SCMH1: variants seen among roughly 807,000 people sequenced by gnomAD.
The protein encoded by SCMH1 is Scm polycomb group protein homolog 1, also known as polycomb protein SCMH1.
Under a neutral mutation model 70.8 loss-of-function variants are expected in SCMH1, and 37 were observed. The ratio of observed to expected loss-of-function variants is 0.52; its 90% CI spans 0.40 to 0.69. SCMH1 has a LOEUF of 0.69. Among genes scored for constraint, SCMH1 ranks in the 30% least tolerant of loss-of-function variants. SCMH1 has a pLI of 0.00. For missense variants in SCMH1, 607 were observed against 827.3 expected, an observed-to-expected ratio of 0.73 and a Z score of 3.27; for synonymous variants, 292 against 307.4, an observed-to-expected ratio of 0.95 and a Z score of 0.52.
intron 5 of SCMH1, among the ~76,000 whole-genome samples, chr1:41,146,574 T>C (rs1644594674): frequency 6.6e-6 from 1 of 152,098 alleles, no homozygotes; most frequent in African/African-American, 2.4e-5. Context: ...CTTTTCCATG[T>C]TTAGATATGT....
Position 41,083,920 on chromosome 1 carries a change from C to T in SCMH1, c.746-8469G>A, listed in dbSNP as rs969072233. ...AATGGTGCTGGGAAAACTGGCTGGC[C>T]GTATGTAGAAAGCTGAAACTGGATC... On this transcript the variant is annotated intron_variant, in intron 8 of 14. Coordinates refer to ENST00000337495, the Ensembl canonical transcript of SCMH1. Among the ~76,000 whole-genome samples the T allele has an allele frequency of 9.2e-5, 14 of 152,060 alleles. No individual in the cohort carries two copies. The East Asian group carries it at 1.2e-3, about 13-fold the overall frequency.
Position 41,065,516 on chromosome 1 carries a change from C to T in SCMH1, c.1105+5079G>A, listed in dbSNP as rs192219418. Among the ~76,000 whole-genome samples the T allele has an allele frequency of 7.9e-5, 12 of 152,300 alleles. No homozygotes were observed. The East Asian group carries it at 2.3e-3, about 29-fold the overall frequency. On this transcript the variant is annotated intron_variant, in intron 10 of 14. Transcript: ENST00000337495. ...TGAATCTAAACTTTATATGAAGAGG[C>T]AAAAGACCCAGAACGAAGCCAGGAG...
intron 10 of SCMH1, among the ~76,000 whole-genome samples, chr1:41,051,378 T>A (rs1255752651): frequency 6.6e-6 from 1 of 152,234 alleles, no homozygotes; most frequent in Non-Finnish European, 1.5e-5. Context: ...TTAGTATACT[T>A]CTTATCATTA....
Position 41,208,069 on chromosome 1 carries a change from A to G in SCMH1, c.-117-21819T>C, listed in dbSNP as rs1573068721. Among the ~76,000 whole-genome samples, 3 of 113,924 alleles carry G rather than the reference A, an allele frequency of 2.6e-5. No individual in the cohort carries two copies. In the East Asian group the frequency reaches 7.0e-4, roughly 27 times the overall value. The allele number at this position is 113,924 out of a possible 152,430, so 74.7% of individuals were successfully genotyped here. A position where few individuals can be genotyped will look rare whatever the true frequency, so the allele number is the denominator to read the frequency against. On this transcript the variant is annotated intron_variant, in intron 1 of 14. Transcript: ENST00000337495. Reference sequence around the variant, plus strand: ...AGACTGGATTAAGAAAATGTGGCACATATACACCATGGAATACTATGCAGC... The same window carrying G: ...AGACTGGATTAAGAAAATGTGGCACGTATACACCATGGAATACTATGCAGC...
In SCMH1 at chr1:41,037,675, G is replaced by A. The variant is rs114895562; in HGVS notation, c.1499-134C>T. ...AGGGACTCAGGAGGCCTGTGTACCA[G>A]TCATGGTTGTGGCTGTCATGAGGTG... On this transcript the variant is annotated intron_variant, in intron 12 of 14. Coordinates refer to ENST00000337495, the Ensembl canonical transcript of SCMH1. The A allele has an allele frequency of 2.6e-4, 189 of 714,542 alleles. 2 individuals carry two copies. The African/African-American group carries it at 3.2e-3, about 12-fold the overall frequency. 44.3% of individuals were successfully genotyped at this position (714,542 alleles called of 1,614,324 possible).
chr1:41,152,708 G>A, intron 4 of SCMH1: 1 of 1,613,778 alleles, frequency 6.2e-7, no homozygotes, highest in African/African-American at 1.3e-5. Context: ...GAGCAGCACA[G>A]AGCCCCTTTG....
intron 8 of SCMH1, among the ~76,000 whole-genome samples, chr1:41,102,536 C>A (rs1219408086): frequency 5.3e-5 from 8 of 152,200 alleles, no homozygotes; most frequent in Non-Finnish European, 1.0e-4. Context: ...ATTCCTACAA[C>A]ATGGATAGAG....
At chr1:41,198,288 A>G (rs1260542964) in intron 1 of SCMH1, among the ~76,000 whole-genome samples, 2 of 152,188 alleles carry the variant, frequency 1.3e-5, no homozygotes. Flanking sequence ...GGGGCTTGCT[A>G]GCATCTCCAT....
At chr1:41,084,904 A>T (rs112700804) in intron 8 of SCMH1, among the ~76,000 whole-genome samples, 3 of 148,202 alleles carry the variant, frequency 2.0e-5, no homozygotes, top group African/African-American at 7.5e-5. Context: ...GCATATTCTC[A>T]CTCATAGGTG....
rs201842106 is a variant in SCMH1, at chr1:41,037,323, T to G, written c.1678+39A>C. 590 of 1,586,618 alleles carry G rather than the reference T, an allele frequency of 3.7e-4. 10 individuals are homozygous for G. The South Asian group carries it at 4.6e-3, about 12-fold the overall frequency. ...CTCAGGAAGGAAGTGAAGGAAAGAG[T>G]GAGGGAGGGAAGGAGGGCCAGGACT... On this transcript the variant is annotated intron_variant, in intron 13 of 14. Coordinates refer to ENST00000337495, the Ensembl canonical transcript of SCMH1.
chr1:41,225,077 G>A (rs941329028), intron 1 of SCMH1, among the ~76,000 whole-genome samples: 4 of 152,022 alleles, frequency 2.6e-5, no homozygotes, highest in Non-Finnish European at 4.4e-5. Flanking sequence ...AACAAAACAA[G>A]GGTGCTATTT....
At chr1:41,183,367 C>T (rs1326949155) in intron 2 of SCMH1, among the ~76,000 whole-genome samples, 1 of 152,180 alleles carries the variant, frequency 6.6e-6, no homozygotes, top group African/African-American at 2.4e-5. Context: ...AAGGATCAAT[C>T]CCTAAACTGT....
chr1:41,146,949 A>C (rs1644637140), intron 5 of SCMH1, among the ~76,000 whole-genome samples: 1 of 151,794 alleles, frequency 6.6e-6, no homozygotes, highest in Non-Finnish European at 1.5e-5. Flanking sequence ...TCTTTATATA[A>C]ATTTTTCGTA....
chr1:41,216,163 G>T (rs953357765), intron 1 of SCMH1, among the ~76,000 whole-genome samples: 1 of 152,100 alleles, frequency 6.6e-6, no homozygotes, highest in South Asian at 2.1e-4. Flanking sequence ...CTTATTTATC[G>T]CTAGAGCTAG....
At chr1:41,189,605 CAAAG>C (rs564879814) in intron 1 of SCMH1, among the ~76,000 whole-genome samples, 42 of 152,282 alleles carry the variant, frequency 2.8e-4, no homozygotes, top group African/African-American at 9.9e-4. Flanking sequence ...ATCTCTTTCT[CAAAG>C]AAAGCAATAA....
In SCMH1 at chr1:41,075,395, T is replaced by G. The variant is rs750456179; in HGVS notation, c.802A>C (p.Ile268Leu). The change falls in exon 9 of 15, where the codon ATC becomes CTC. Residue 268 changes from isoleucine (I) to leucine (L), a missense_variant. This residue lies in a region of SCMH1 where 430 missense variants were observed against 528.2 expected (regional missense o/e 0.81). Transcript: ENST00000337495. ...AAGACAGTTTTGGTGCTGCTGTGGA[T>G]GCTGGGCTTCTCAGTATTCACATCG... is the stretch of plus-strand genomic sequence containing the variant. The G allele has an allele frequency of 4.3e-6, 7 of 1,614,040 alleles. No individual in the cohort carries two copies. Among genetic ancestry groups the G allele is most frequent in the Non-Finnish European group, 5.9e-6 (7 of 1,180,034 alleles).
chr1:41,215,568 A>G lies in SCMH1; in HGVS notation c.-118+26491T>C, dbSNP rs1657908365. ...TTTGCAGTCCCTCCTCTTATCTGCA[A>G]TGAGGCCCCTTTTCCTACTATGCAC... On this transcript the variant is annotated intron_variant, in intron 1 of 14. Coordinates refer to ENST00000337495, the Ensembl canonical transcript of SCMH1. Among the ~76,000 whole-genome samples the G allele has an allele frequency of 2.0e-5, 3 of 151,930 alleles. No individual in the cohort carries two copies. In the South Asian group the frequency reaches 6.2e-4, roughly 32 times the overall value.
chr1:41,142,744 T>C, intron 6 of SCMH1, 134 bp downstream of exon 6: 1 of 675,212 alleles, frequency 1.5e-6, no homozygotes, highest in Non-Finnish European at 2.5e-6. Flanking sequence ...TCATTTTGGG[T>C]GGGCCTTTTT....
intron 11 of SCMH1, 152 bp downstream of exon 11, chr1:41,048,538 C>CT (rs1170077608): frequency 7.1e-6 from 5 of 699,406 alleles, no homozygotes; most frequent in Non-Finnish European, 1.2e-5. Context: ...CAGAGGGGCT[C>CT]TTGGGGGGTT....
Sources: allele counts gnomAD v4.1 joint callset (sites outside exome capture counted in the v4.1 genomes callset), GRCh38; gene constraint gnomAD v4.1.1; regional missense constraint gnomAD v4.1.1; transcripts MANE v1.5; gene names NCBI Gene and HGNC (gene_info 2026-07-23, HGNC 2026-07-21).